The following PDE11A variants were observed in gnomAD, a reference collection of about 807,000 sequenced individuals.
PDE11A encodes the protein phosphodiesterase 11A.
A neutral mutation model predicts 100.5 loss-of-function variants in PDE11A; 100 were observed. The ratio of observed to expected loss-of-function variants is 1.00; its 90% CI spans 0.85 to 1.18. The LOEUF (loss-of-function observed/expected upper bound fraction) is 1.18. Ranked by LOEUF, PDE11A falls within the 50% of genes most tolerant of loss-of-function variation. The pLI is 0.00. For missense variants in PDE11A, 1,141 were observed against 1,152.6 expected (o/e 0.99, Z 0.15); for synonymous variants, 381 against 420.8 (o/e 0.91, Z 1.16).
intron 2 of PDE11A, among the ~76,000 whole-genome samples, chr2:177,940,473 GA>G (rs2085333294): frequency 6.6e-6 from 1 of 152,250 alleles, no homozygotes; most frequent in African/African-American, 2.4e-5. Context: ...CAGCATAGCT[GA>G]ACTAAGAAGG....
At position 177,853,659 on chromosome 2, in the gene PDE11A, T is replaced by C. The variant is rs1470852755; in HGVS notation, c.1368-13276A>G. On this transcript the variant is annotated intron_variant, in intron 5 of 19. Transcript: ENST00000286063. ...GCATATATATATATATATATATATA[T>C]ATATATATATATATATATATATGTG... is the stretch of plus-strand genomic sequence containing the variant. Among the ~76,000 whole-genome samples, 19 of 29,348 alleles carry C rather than the reference T, an allele frequency of 6.5e-4. 1 individual carries two copies. The highest frequency in any genetic ancestry group is 5.9e-3 in the East Asian group (5 of 854). The allele number at this position is 29,348 out of a possible 152,430, so 19.3% of individuals were successfully genotyped here.
intron 4 of PDE11A, among the ~76,000 whole-genome samples, chr2:177,889,737 A>G (rs1359876334): frequency 2.1e-5 from 3 of 146,326 alleles, no homozygotes; most frequent in Non-Finnish European, 4.6e-5. Flanking sequence ...AGTTCTACCA[A>G]CCCAGTTTCT....
chr2:178,042,070 G>A (rs955158107), intron 1 of PDE11A, among the ~76,000 whole-genome samples: 14 of 152,202 alleles, frequency 9.2e-5, no homozygotes, highest in Admixed American at 9.2e-4. Flanking sequence ...CTAGGTTCTT[G>A]TGTGAGGAAA....
intron 5 of PDE11A, among the ~76,000 whole-genome samples, chr2:177,866,387 C>G (rs1411937610): frequency 6.6e-6 from 1 of 152,206 alleles, no homozygotes; most frequent in Admixed American, 6.5e-5. Context: ...TTTTTCCAAA[C>G]CACACTGTGA....
At chr2:177,928,490 C>A in intron 2 of PDE11A, among the ~76,000 whole-genome samples, 1 of 140,444 alleles carries the variant, frequency 7.1e-6, no homozygotes, top group East Asian at 2.1e-4. Context: ...AGATGGTGAC[C>A]TTGTCTCTAA....
intron 2 of PDE11A, among the ~76,000 whole-genome samples, chr2:178,002,757 A>C (rs1255793840): frequency 6.6e-6 from 1 of 152,226 alleles, no homozygotes; most frequent in African/African-American, 2.4e-5. Context: ...TGAATAAACC[A>C]AAGGGTGGAA....
At chr2:177,697,068 C>G (rs1473032640) in intron 15 of PDE11A, among the ~76,000 whole-genome samples, 1 of 152,134 alleles carries the variant, frequency 6.6e-6, no homozygotes, top group African/African-American at 2.4e-5. Context: ...ATGGCCATCA[C>G]TTAGTTTCAG....
At chr2:177,910,771 T>A (rs1574272039) in intron 2 of PDE11A, among the ~76,000 whole-genome samples, 1 of 152,302 alleles carries the variant, frequency 6.6e-6, no homozygotes, top group East Asian at 1.9e-4. Flanking sequence ...GCATAGAATT[T>A]GAGCACTGGG....
At chr2:178,015,284 C>T (rs1453884164) in intron 1 of PDE11A, among the ~76,000 whole-genome samples, 1 of 152,090 alleles carries the variant, frequency 6.6e-6, no homozygotes, top group Non-Finnish European at 1.5e-5. Flanking sequence ...CACAACATCA[C>T]CAAGAATACA....
chr2:178,105,234 G>A (rs1458978337), intron 1 of PDE11A, among the ~76,000 whole-genome samples: 1 of 152,138 alleles, frequency 6.6e-6, no homozygotes, highest in East Asian at 1.9e-4. Context: ...GGCCAAGGCG[G>A]GCAAATCACA....
At chr2:177,715,313 T>C (rs994785467) in intron 12 of PDE11A, among the ~76,000 whole-genome samples, 2 of 152,212 alleles carry the variant, frequency 1.3e-5, no homozygotes, top group African/African-American at 4.8e-5. Flanking sequence ...TGATTTTCTT[T>C]CTTTTAGAAT....
At chr2:178,014,052 A>G (rs1057225055) in intron 2 of PDE11A, among the ~76,000 whole-genome samples, 10 of 152,168 alleles carry the variant, frequency 6.6e-5, no homozygotes, top group Admixed American at 4.6e-4. Context: ...CCAGGGAACA[A>G]CAAGAATACT....
At chr2:177,750,842 G>C (rs748698654) in intron 10 of PDE11A, among the ~76,000 whole-genome samples, 57 of 152,232 alleles carry the variant, frequency 3.7e-4, no homozygotes, top group Non-Finnish European at 2.8e-4. Context: ...CTGTGGAGCA[G>C]TGTTCTATGA....
chr2:177,690,798 A>G (rs2081030836), intron 15 of PDE11A, among the ~76,000 whole-genome samples: 1 of 152,156 alleles, frequency 6.6e-6, no homozygotes, highest in African/African-American at 2.4e-5. Flanking sequence ...AAGTGGATTT[A>G]TCTGAATTAT....
chr2:177,843,277 C>T (rs34365395), intron 5 of PDE11A, among the ~76,000 whole-genome samples: 31,579 of 152,064 alleles, frequency 0.21, 3,369 homozygotes, highest in Middle Eastern at 0.26. Flanking sequence ...CCCCAACATC[C>T]TAAATTATAG....
rs142820503 is a variant in PDE11A at position 177,804,104 on chromosome 2, TAGAC to T, written c.1737+12721_1737+12724del. On this transcript the variant is annotated intron_variant, in intron 9 of 19. Coordinates refer to ENST00000286063, the MANE Select transcript of PDE11A (RefSeq NM_016953.4). ...AAAGCAAAGGCAACAAAAACAAAAA[TAGAC>T]AAATGAGACTGAAGCTAAAACCTTC... Among the ~76,000 whole-genome samples the T allele has an allele frequency of 5.5e-3, 830 of 151,040 alleles. 8 individuals carry two copies. The highest frequency in any genetic ancestry group is 9.4e-3 in the Non-Finnish European group (635 of 67,570).
At chr2:178,035,910 C>A (rs1288506340) in intron 1 of PDE11A, among the ~76,000 whole-genome samples, 4 of 152,262 alleles carry the variant, frequency 2.6e-5, no homozygotes, top group African/African-American at 9.6e-5. Context: ...AACCCATAGC[C>A]AACATCATAC....
At chr2:177,749,554 A>G (rs956017284) in intron 10 of PDE11A, among the ~76,000 whole-genome samples, 11 of 151,672 alleles carry the variant, frequency 7.3e-5, no homozygotes, top group Non-Finnish European at 1.6e-4. Context: ...TTGCTTTGCT[A>G]TTTTCTATGG....
intron 10 of PDE11A, among the ~76,000 whole-genome samples, chr2:177,747,346 TCTGAC>T (rs1250115222): frequency 1.3e-5 from 2 of 152,252 alleles, no homozygotes; most frequent in African/African-American, 2.4e-5. Flanking sequence ...AAGACCCTGT[TCTGAC>T]CTTGGTGCTC....
Sources: allele counts gnomAD v4.1 joint callset (sites outside exome capture counted in the v4.1 genomes callset), GRCh38; gene constraint gnomAD v4.1.1; transcripts MANE v1.5; gene names NCBI Gene and HGNC (gene_info 2026-07-23, HGNC 2026-07-21).